VPS26A: variants seen among roughly 807,000 people sequenced by gnomAD.
The protein encoded by VPS26A is VPS26 retromer complex component A.
A neutral mutation model predicts 42.4 loss-of-function variants in VPS26A; 22 were observed. The ratio of observed to expected loss-of-function variants is 0.52; its 90% CI spans 0.37 to 0.74. The LOEUF is 0.74. Among genes scored for constraint, VPS26A ranks in the 30% least tolerant of loss-of-function variants. VPS26A has a pLI of 0.00. For missense variants in VPS26A, 276 were observed against 379.2 expected (o/e 0.73, Z 2.26); for synonymous variants, 110 against 123.5 (o/e 0.89, Z 0.73).
intron 2 of VPS26A, among the ~76,000 whole-genome samples, chr10:69,149,256 A>C (rs1254637632): frequency 1.3e-5 from 2 of 152,162 alleles, no homozygotes; most frequent in African/African-American, 4.8e-5. Flanking sequence ...ATGCTTCCTA[A>C]TATGATGCAT....
chr10:69,153,799 C>A (rs578144869), intron 2 of VPS26A, among the ~76,000 whole-genome samples: 1 of 152,228 alleles, frequency 6.6e-6, no homozygotes, highest in African/African-American at 2.4e-5. Context: ...ATTGAGACTC[C>A]ACCTGATTCT....
At chr10:69,155,680 G>A (rs930373947) in intron 2 of VPS26A, 132 bp from the exon 3 acceptor site, 1 of 693,858 alleles carries the variant, frequency 1.4e-6, no homozygotes, top group Admixed American at 2.8e-5. Context: ...CCTGATTTAG[G>A]TATGTGGTGG....
rs1180203433 is a variant in VPS26A, at chr10:69,168,528, A to G, written c.767A>G (p.Asp256Gly). ...IPIRLFLAGYDPTPTMRDVNK... is the reference protein window; with the variant it reads ...IPIRLFLAGYGPTPTMRDVNK... ...ATAAGGCTATTTTTAGCAGGATATG[A>G]CCCAACTCCAACAATGAGAGATGTG... Residue 256 changes from aspartate to glycine, a missense_variant, in exon 8 of 9, where the codon GAC (aspartate) becomes GGC (glycine). Asp to Gly is a moderately conservative substitution (Grantham distance 94). Coordinates refer to ENST00000263559, the MANE Select transcript of VPS26A (RefSeq NM_004896.5). The G allele has an allele frequency of 6.2e-7, 1 of 1,613,942 alleles. No homozygotes were observed. Among genetic ancestry groups the G allele is most frequent in the East Asian group, 2.2e-5 (1 of 44,894 alleles).
chr10:69,130,977 A>G (rs551255790), intron 1 of VPS26A, among the ~76,000 whole-genome samples: 1 of 152,280 alleles, frequency 6.6e-6, no homozygotes, highest in Non-Finnish European at 1.5e-5. Context: ...GCTATTATGA[A>G]TAACACTTGT....
intron 1 of VPS26A, among the ~76,000 whole-genome samples, chr10:69,126,787 A>G (rs1315313622): frequency 1.3e-5 from 2 of 152,198 alleles, no homozygotes; most frequent in African/African-American, 4.8e-5. Flanking sequence ...GAAGTTGCAC[A>G]TCTTAGAAAA....
At chr10:69,164,904 C>T (rs1485840792) in intron 6 of VPS26A, among the ~76,000 whole-genome samples, 2 of 149,960 alleles carry the variant, frequency 1.3e-5, no homozygotes, top group Non-Finnish European at 3.0e-5. Flanking sequence ...AATATATAAA[C>T]TTACTTTCTC....
Position 69,151,264 on chromosome 10 carries a change from C to CAA in VPS26A, c.154-4530_154-4529dup, listed in dbSNP as rs1192297497. 1.0e-3 allele frequency among the ~76,000 whole-genome samples: 31 copies of CAA among 30,370 alleles called. 1 individual carries two copies. The highest frequency in any genetic ancestry group is 1.7e-3 in the African/African-American group (14 of 8,440). 19.9% of individuals were successfully genotyped at this position (30,370 alleles called of 152,430 possible). A position where few individuals can be genotyped will look rare whatever the true frequency, so the allele number is the denominator to read the frequency against. On this transcript the variant is annotated intron_variant, in intron 2 of 8. Coordinates refer to ENST00000263559, the MANE Select transcript of VPS26A (RefSeq NM_004896.5). Reference sequence around the variant, plus strand: ...TGGGCAACAGAGTGAGACTCCATGTCAAAAAAAAAAAAAAAAAAACACACA... The same window carrying CAA: ...TGGGCAACAGAGTGAGACTCCATGTCAAAAAAAAAAAAAAAAAAAAACACACA...
intron 2 of VPS26A, among the ~76,000 whole-genome samples, chr10:69,143,648 TTTAG>T (rs1841092434): frequency 6.6e-6 from 1 of 152,200 alleles, no homozygotes; most frequent in Non-Finnish European, 1.5e-5. Flanking sequence ...TGCTATTTCC[TTTAG>T]TTATTGTTCA....
Position 69,127,135 on chromosome 10 carries a change from G to T in VPS26A, c.3+2855G>T, listed in dbSNP as rs527918305. On this transcript the variant is annotated intron_variant, in intron 1 of 8. Coordinates refer to ENST00000263559, the MANE Select transcript of VPS26A (RefSeq NM_004896.5). ...TTTTTTTTGTATTTTTAGTGGAGACGGGGTTTCGCCATGTTGGCCAGACTG... is the reference window on the plus strand; with the variant it reads ...TTTTTTTTGTATTTTTAGTGGAGACTGGGTTTCGCCATGTTGGCCAGACTG... Among the ~76,000 whole-genome samples, 42 of 134,776 alleles carry T rather than the reference G, an allele frequency of 3.1e-4. 1 individual carries two copies. In the South Asian group the frequency reaches 9.8e-3, roughly 32 times the overall value. The allele number at this position is 134,776 out of a possible 152,430, so 88.4% of individuals were successfully genotyped here.
intron 7 of VPS26A, among the ~76,000 whole-genome samples, chr10:69,167,355 G>A (rs1393967784): frequency 6.6e-6 from 1 of 151,740 alleles, no homozygotes; most frequent in Non-Finnish European, 1.5e-5. Context: ...AGCCCAGGAG[G>A]CAAGGTTGCA....
Position 69,158,184 on chromosome 10 carries a change from A to G in VPS26A, c.524A>G (p.His175Arg). 1 of 1,601,750 alleles carries G rather than the reference A, an allele frequency of 6.2e-7. No homozygotes were observed. Among genetic ancestry groups the G allele is most frequent in the Non-Finnish European group, 8.5e-7 (1 of 1,176,168 alleles). ...KMEVGIEDCL[H>R]IEFEYNKSKY... is the part of the protein sequence containing the mutation. ...GAAGTGGGCATTGAAGATTGTCTAC[A>G]TATAGAATTTGAATATAATAAATCA... Residue 175 changes from histidine (H) to arginine (R), a missense_variant, in exon 5 of 9, where the codon CAT (histidine) becomes CGT (arginine). His to Arg is a conservative substitution (Grantham distance 29). Transcript: ENST00000263559.
rs1215819939 is a variant in VPS26A at position 69,172,551 on chromosome 10, C to T, written c.*1282C>T. The T allele has an allele frequency of 6.6e-6, 1 of 152,622 alleles. No homozygotes were observed. The highest frequency in any genetic ancestry group is 6.5e-5 in the Admixed American group (1 of 15,268). The allele number at this position is 152,622 out of a possible 1,614,324, so 9.5% of individuals were successfully genotyped here. On this transcript the variant is annotated 3_prime_UTR_variant, in exon 9 of 9. Coordinates refer to ENST00000263559, the MANE Select transcript of VPS26A (RefSeq NM_004896.5). ...TGAGTAAGCTAAATAACCCAAATTA[C>T]ATTTCTTTAAACCTGTTTTACTACT...
intron 1 of VPS26A, among the ~76,000 whole-genome samples, chr10:69,126,385 C>G (rs1267073944): frequency 1.3e-5 from 2 of 152,006 alleles, no homozygotes; most frequent in African/African-American, 4.8e-5. Flanking sequence ...AGTTGCCTGA[C>G]CAACATGGTG....
intron 1 of VPS26A, among the ~76,000 whole-genome samples, chr10:69,131,336 C>T (rs1840773242): frequency 6.6e-6 from 1 of 152,188 alleles, no homozygotes; most frequent in African/African-American, 2.4e-5. Context: ...GCCCATAATC[C>T]CAACACTTTG....
chr10:69,132,091 C>A (rs1440220368), intron 1 of VPS26A, among the ~76,000 whole-genome samples: 1 of 152,076 alleles, frequency 6.6e-6, no homozygotes, highest in Non-Finnish European at 1.5e-5. Context: ...CCTGTTCAGA[C>A]CAAATATAGC....
At position 69,171,657 on chromosome 10, in the gene VPS26A, T is replaced by TA. The variant is rs1329648016; in HGVS notation, c.*389dup. The TA allele has an allele frequency of 6.3e-6, 1 of 158,040 alleles. No homozygotes were observed. Among genetic ancestry groups the TA allele is most frequent in the Non-Finnish European group, 1.4e-5 (1 of 71,990 alleles). The allele number at this position is 158,040 out of a possible 1,614,324, so 9.8% of individuals were successfully genotyped here. On this transcript the variant is annotated 3_prime_UTR_variant, in exon 9 of 9. Coordinates refer to ENST00000263559, the MANE Select transcript of VPS26A (RefSeq NM_004896.5). ...AATCCTCTCTTTTCAGGCTAATGAT[T>TA]ACCTCTTATTCTCTACATGCAAAAA...
intron 2 of VPS26A, among the ~76,000 whole-genome samples, chr10:69,148,481 G>GCTGT (rs1175097534): frequency 6.6e-6 from 1 of 152,152 alleles, no homozygotes; most frequent in Non-Finnish European, 1.5e-5. Flanking sequence ...GACAGCAGTT[G>GCTGT]CAAACTAATC....
chr10:69,169,817 C>G (rs1476588098), intron 8 of VPS26A, among the ~76,000 whole-genome samples: 1 of 152,022 alleles, frequency 6.6e-6, no homozygotes, highest in African/African-American at 2.4e-5. Flanking sequence ...CCATGTTGAC[C>G]AGGCTGGTCT....
chr10:69,141,251 C>T (rs574781625), intron 2 of VPS26A, among the ~76,000 whole-genome samples: 2 of 152,152 alleles, frequency 1.3e-5, no homozygotes, highest in African/African-American at 4.8e-5. Flanking sequence ...AGAGACAACC[C>T]CAAAACTCAG....
Sources: gnomAD v4.1 joint callset for allele counts (sites outside exome capture counted in the v4.1 genomes callset) on GRCh38, gnomAD v4.1.1 for gene constraint, MANE v1.5 for transcripts, NCBI Gene and HGNC (gene_info 2026-07-23, HGNC 2026-07-21) for gene names.